TTC28: variants seen among roughly 807,000 people sequenced by gnomAD.
TTC28 encodes the protein tetratricopeptide repeat protein 28.
TTC28 carries 61 observed loss-of-function variants against 198.0 expected under a neutral mutation model. That is an observed-to-expected ratio of 0.31 (90% CI 0.25 to 0.38). The LOEUF (loss-of-function observed/expected upper bound fraction) is 0.38, where lower values mean the gene tolerates loss of function less well. TTC28 is among the 10% of genes least tolerant of loss of function. The pLI, the probability that TTC28 is intolerant of heterozygous loss-of-function variation, is 1.00. For synonymous variants in TTC28, 1,171 were observed against 1,297.8 expected, an observed-to-expected ratio of 0.90 and a Z score of 2.10; for missense variants, 2,678 against 3,164.0, an observed-to-expected ratio of 0.85 and a Z score of 3.69.
chr22:28,081,876 T>C (rs1004696239), intron 12 of TTC28, among the ~76,000 whole-genome samples: 6 of 152,256 alleles, frequency 3.9e-5, no homozygotes, highest in Admixed American at 2.0e-4. Flanking sequence ...TTAACTCTTG[T>C]AGTCCATGAT....
At chr22:28,496,185 C>T (rs1467172531) in intron 2 of TTC28, among the ~76,000 whole-genome samples, 2 of 152,002 alleles carry the variant, frequency 1.3e-5, no homozygotes, top group Non-Finnish European at 2.9e-5. Flanking sequence ...GGTTTCAGTC[C>T]TTGGGCCCCT....
intron 12 of TTC28, among the ~76,000 whole-genome samples, chr22:28,032,950 T>C (rs543207632): frequency 6.6e-6 from 1 of 152,316 alleles, no homozygotes; most frequent in East Asian, 1.9e-4. Flanking sequence ...AGGTGAAGGC[T>C]TGAAAGGCTC....
At chr22:28,566,494 A>G (rs2049972030) in intron 2 of TTC28, among the ~76,000 whole-genome samples, 1 of 152,226 alleles carries the variant, frequency 6.6e-6, no homozygotes, top group Admixed American at 6.5e-5. Flanking sequence ...GGCTTGTGAA[A>G]GATTAGAGCC....
intron 12 of TTC28, among the ~76,000 whole-genome samples, chr22:28,062,522 T>G (rs547302230): frequency 6.6e-6 from 1 of 151,772 alleles, no homozygotes; most frequent in East Asian, 1.9e-4. Flanking sequence ...TAGGCCATAG[T>G]ACAGTGATGC....
intron 2 of TTC28, among the ~76,000 whole-genome samples, chr22:28,629,168 G>A (rs536145082): frequency 1.3e-5 from 2 of 152,068 alleles, no homozygotes; most frequent in African/African-American, 2.4e-5. Context: ...AACAGTCATT[G>A]ACAGAGAATG....
At position 28,641,773 on chromosome 22, in the gene TTC28, C is replaced by A. The variant is rs150126840; in HGVS notation, c.103-11943G>T. Among the ~76,000 whole-genome samples the A allele has an allele frequency of 5.0e-3, 760 of 151,916 alleles. 11 individuals are homozygous for A. The highest frequency in any genetic ancestry group is 0.017 in the African/African-American group (717 of 41,432). On this transcript the variant is annotated intron_variant, in intron 1 of 22. Coordinates refer to ENST00000397906, the MANE Select transcript of TTC28 (RefSeq NM_001145418.2). ...GAAAGAAAACTATCCCAGACAGAAG[C>A]AGAGGAATGCAGGAGGGAATGAATA...
intron 2 of TTC28, among the ~76,000 whole-genome samples, chr22:28,319,036 C>T (rs944582106): frequency 6.6e-6 from 1 of 151,852 alleles, no homozygotes; most frequent in East Asian, 1.9e-4. Flanking sequence ...CCATGTTGTC[C>T]AGGCTGGTTT....
chr22:28,379,334 C>T (rs555716428), intron 2 of TTC28, among the ~76,000 whole-genome samples: 2 of 152,252 alleles, frequency 1.3e-5, no homozygotes, highest in African/African-American at 4.8e-5. Context: ...TACCCATGTT[C>T]AAAGCTGCCT....
chr22:28,349,454 C>A (rs2045959637), intron 2 of TTC28, among the ~76,000 whole-genome samples: 1 of 152,162 alleles, frequency 6.6e-6, no homozygotes, highest in Non-Finnish European at 1.5e-5. Flanking sequence ...CACGACTGAA[C>A]AAATGCCCAT....
chr22:28,540,468 G>A (rs1443382895), intron 2 of TTC28, among the ~76,000 whole-genome samples: 1 of 152,146 alleles, frequency 6.6e-6, no homozygotes, highest in Admixed American at 6.5e-5. Flanking sequence ...GTTTCTAAAT[G>A]AGGTCCTATG....
chr22:28,346,969 A>C (rs1411658744), intron 2 of TTC28, among the ~76,000 whole-genome samples: 1 of 152,178 alleles, frequency 6.6e-6, no homozygotes, highest in East Asian at 1.9e-4. Context: ...AAGCTTTTAA[A>C]GGAAAGACTA....
intron 5 of TTC28, among the ~76,000 whole-genome samples, chr22:28,292,280 C>T (rs560476464): frequency 3.0e-4 from 45 of 152,234 alleles, no homozygotes; most frequent in African/African-American, 9.4e-4. Context: ...CTTGGCTTCT[C>T]GGGCTCAAGC....
Position 27,978,450 on chromosome 22 carries a change from T to C in TTC28, c.*3771A>G. 6.6e-6 allele frequency: 1 copy of C among 152,276 alleles called. No individual in the cohort carries two copies. Among genetic ancestry groups the C allele is most frequent in the East Asian group, 1.9e-4 (1 of 5,206 alleles). 9.4% of individuals were successfully genotyped at this position (152,276 alleles called of 1,614,324 possible). On this transcript the variant is annotated 3_prime_UTR_variant, in exon 23 of 23. Coordinates refer to ENST00000397906, the MANE Select transcript of TTC28 (RefSeq NM_001145418.2). The stretch of plus-strand genomic sequence containing the variant: ...ATTTTTCCAGCCTGAACTGAAATTA[T>C]CAAGGCTACAGTTCTTCTTGTGGGT...
intron 12 of TTC28, among the ~76,000 whole-genome samples, chr22:28,032,203 AAAATATATATATATAAAATATATATATAT>A (rs2146638625): frequency 8.8e-6 from 1 of 113,100 alleles, no homozygotes; most frequent in African/African-American, 3.3e-5. Context: ...ATATATATAT[AAAATATATATATATAAAATATATATATAT>A]AAAATATATA....
At chr22:28,019,236 G>A (rs1022701223) in intron 13 of TTC28, among the ~76,000 whole-genome samples, 21 of 152,152 alleles carry the variant, frequency 1.4e-4, no homozygotes, top group Admixed American at 1.4e-3. Flanking sequence ...TTCTTGTAGG[G>A]CCTCTTCTAG....
At chr22:28,102,629 C>T (rs1405787693) in intron 8 of TTC28, among the ~76,000 whole-genome samples, 2 of 152,170 alleles carry the variant, frequency 1.3e-5, no homozygotes, top group African/African-American at 4.8e-5. Flanking sequence ...GAAGGACTTC[C>T]TTCTTCTAAT....
At chr22:28,265,376 T>C (rs1931616517) in intron 5 of TTC28, among the ~76,000 whole-genome samples, 1 of 152,146 alleles carries the variant, frequency 6.6e-6, no homozygotes, top group South Asian at 2.1e-4. Context: ...CCAGTCTTTG[T>C]AGAGGGAGAA....
At chr22:28,039,576 G>T (rs370688635) in intron 12 of TTC28, among the ~76,000 whole-genome samples, 1 of 152,070 alleles carries the variant, frequency 6.6e-6, no homozygotes, top group Non-Finnish European at 1.5e-5. Flanking sequence ...TATAAATGAC[G>T]AGTTAATGGG....
chr22:28,447,501 C>T (rs2047720750), intron 2 of TTC28, among the ~76,000 whole-genome samples: 1 of 152,202 alleles, frequency 6.6e-6, no homozygotes, highest in South Asian at 2.1e-4. Context: ...TTTGTGACTG[C>T]TGATTTAAAC....
Sources: allele counts gnomAD v4.1 joint callset (sites outside exome capture counted in the v4.1 genomes callset), GRCh38; gene constraint gnomAD v4.1.1; transcripts MANE v1.5; gene names NCBI Gene and HGNC (gene_info 2026-07-23, HGNC 2026-07-21).